The following ATG7 variants were observed in gnomAD, a reference collection of about 807,000 sequenced individuals.
ATG7 encodes ubiquitin-like modifier-activating enzyme ATG7.
ATG7 carries 70 observed loss-of-function variants against 82.4 expected under a neutral mutation model. The ratio of observed to expected loss-of-function variants is 0.85; its 90% CI spans 0.70 to 1.04. The LOEUF is 1.04. ATG7 is among the 50% of genes least tolerant of loss of function. The probability of loss-of-function intolerance (pLI) is 0.00; values close to 1 mark genes in which losing one functional copy is unlikely to be tolerated. For missense variants in ATG7, 792 were observed against 864.3 expected, an observed-to-expected ratio of 0.92 and a Z score of 1.05; for synonymous variants, 287 against 313.0, an observed-to-expected ratio of 0.92 and a Z score of 0.88.
chr3:11,427,741 G>A (rs1325688559), intron 20 of ATG7, among the ~76,000 whole-genome samples: 2 of 151,538 alleles, frequency 1.3e-5, no homozygotes, highest in Non-Finnish European at 2.9e-5. Context: ...CTTGAATCCT[G>A]GAGGCAGAGG....
chr3:11,410,780 T>C (rs970262439), intron 19 of ATG7, among the ~76,000 whole-genome samples: 1 of 152,236 alleles, frequency 6.6e-6, no homozygotes, highest in African/African-American at 2.4e-5. Context: ...GTATGTAGCA[T>C]ATACTACATT....
rs1317468629 is a variant in ATG7 at position 11,309,110 on chromosome 3, C to A, written c.411+49C>A. On this transcript the variant is annotated intron_variant, in intron 7 of 20. Transcript: ENST00000693202. ...CACCGAGGTTGGTGAAATCCCCTGGCTTAGCCCAGTGTACCAGTAGAACAG... is the reference window on the plus strand; with the variant it reads ...CACCGAGGTTGGTGAAATCCCCTGGATTAGCCCAGTGTACCAGTAGAACAG... The A allele has an allele frequency of 2.6e-6, 4 of 1,514,948 alleles. No homozygotes were observed. In the Admixed American group the frequency reaches 6.7e-5, roughly 25 times the overall value. 93.8% of individuals were successfully genotyped at this position (1,514,948 alleles called of 1,614,324 possible).
chr3:11,432,042 C>T (rs1240245695), intron 20 of ATG7, among the ~76,000 whole-genome samples: 1 of 152,160 alleles, frequency 6.6e-6, no homozygotes, highest in Admixed American at 6.5e-5. Context: ...TTGAGATTAG[C>T]AGGCAAATTA....
intron 20 of ATG7, among the ~76,000 whole-genome samples, chr3:11,501,713 A>G (rs1435784391): frequency 6.6e-6 from 1 of 152,138 alleles, no homozygotes; most frequent in Non-Finnish European, 1.5e-5. Context: ...TTTTTTAGAC[A>G]GAGTCTCCCT....
Position 11,544,594 on chromosome 3 carries a change from G to T in ATG7, c.2080-10217G>T, listed in dbSNP as rs537081665. On this transcript the variant is annotated intron_variant, in intron 20 of 20. Transcript: ENST00000693202. ...CTGGCCTGCCACCCCAGCTGCTCCC[G>T]CCTGGGGATGCTCACAGTGCTTGCC... Among the ~76,000 whole-genome samples, 3 of 152,302 alleles carry T rather than the reference G, an allele frequency of 2.0e-5. No homozygotes were observed. The East Asian group carries it at 5.8e-4, about 29-fold the overall frequency.
chr3:11,348,512 C>T (rs1409306042), intron 14 of ATG7: 2 of 154,760 alleles, frequency 1.3e-5, no homozygotes, highest in Non-Finnish European at 2.9e-5. Context: ...GAGTTTGTTC[C>T]TTCAGATGTG....
intron 18 of ATG7, among the ~76,000 whole-genome samples, chr3:11,370,301 C>T (rs578241426): frequency 6.6e-6 from 1 of 151,144 alleles, no homozygotes; most frequent in South Asian, 2.1e-4. Flanking sequence ...AACACTGGCT[C>T]ATGTCCAGCT....
intron 20 of ATG7, among the ~76,000 whole-genome samples, chr3:11,501,532 T>C (rs1258916439): frequency 8.1e-6 from 1 of 123,164 alleles, no homozygotes; most frequent in Non-Finnish European, 1.7e-5. Context: ...ATATTATTAA[T>C]AGATAATGAT....
intron 9 of ATG7, among the ~76,000 whole-genome samples, chr3:11,326,746 T>C (rs1166887392): frequency 3.9e-5 from 6 of 152,174 alleles, no homozygotes; most frequent in Non-Finnish European, 8.8e-5. Flanking sequence ...GAGTAGCAGG[T>C]GGGGTGGCCA....
At chr3:11,378,557 C>T (rs2077611704) in intron 18 of ATG7, among the ~76,000 whole-genome samples, 1 of 150,690 alleles carries the variant, frequency 6.6e-6, no homozygotes, top group African/African-American at 2.4e-5. Flanking sequence ...TGGTGGTGGG[C>T]GCCTGTAATT....
chr3:11,535,336 G>A (rs1416290208), intron 20 of ATG7, among the ~76,000 whole-genome samples: 23 of 152,298 alleles, frequency 1.5e-4, no homozygotes, highest in South Asian at 8.3e-4. Flanking sequence ...AGGCCATCTC[G>A]TGTTACTCAT....
intron 20 of ATG7, among the ~76,000 whole-genome samples, chr3:11,543,847 G>C (rs568205598): frequency 6.6e-6 from 1 of 152,216 alleles, no homozygotes; most frequent in African/African-American, 2.4e-5. Flanking sequence ...GGGACGGGAG[G>C]GGGAGGACCC....
intron 13 of ATG7, among the ~76,000 whole-genome samples, chr3:11,343,220 C>T (rs192894571): frequency 7.2e-5 from 11 of 152,286 alleles, no homozygotes; most frequent in African/African-American, 1.9e-4. Flanking sequence ...TGAGCCACCA[C>T]GCCTGGCCAA....
At chr3:11,311,457 A>T (rs183161983) in intron 7 of ATG7, among the ~76,000 whole-genome samples, 1 of 152,086 alleles carries the variant, frequency 6.6e-6, no homozygotes, top group Admixed American at 6.5e-5. Flanking sequence ...TAAAAAAAAA[A>T]ATTAGCTGTG....
rs541179354 is a variant in ATG7, at chr3:11,427,855, G to A, written c.2079+929G>A. 2.6e-5 allele frequency among the ~76,000 whole-genome samples: 4 copies of A among 151,932 alleles called. No individual in the cohort carries two copies. In the East Asian group the frequency reaches 7.7e-4, roughly 29 times the overall value. On this transcript the variant is annotated intron_variant, in intron 20 of 20. Transcript: ENST00000693202. ...AATTATTGTGTTTTTCCAAATGCTCGCTGTTCTTAGAAAAGGGAATGCTGT... is the reference window on the plus strand; with the variant it reads ...AATTATTGTGTTTTTCCAAATGCTCACTGTTCTTAGAAAAGGGAATGCTGT...
At chr3:11,427,249 C>A (rs1250878925) in intron 20 of ATG7, among the ~76,000 whole-genome samples, 1 of 152,044 alleles carries the variant, frequency 6.6e-6, no homozygotes, top group Non-Finnish European at 1.5e-5. Flanking sequence ...GCTTTAATGT[C>A]CATATATCAA....
intron 19 of ATG7, among the ~76,000 whole-genome samples, chr3:11,417,800 A>ATTAT (rs1553652380): frequency 0.019 from 2,099 of 108,248 alleles, 97 homozygotes; most frequent in East Asian, 0.048. Context: ...TATTATTATT[A>ATTAT]TTTTATTTTA....
intron 20 of ATG7, among the ~76,000 whole-genome samples, chr3:11,493,414 A>G (rs530370322): frequency 9.8e-5 from 15 of 152,340 alleles, no homozygotes; most frequent in African/African-American, 3.4e-4. Flanking sequence ...AAAAGGCAAC[A>G]TTCAATTGGT....
In ATG7 at chr3:11,377,041, G is replaced by A. The variant is rs142800905; in HGVS notation, c.1876-2931G>A. On this transcript the variant is annotated intron_variant, in intron 18 of 20. Coordinates refer to ENST00000693202, the MANE Select transcript of ATG7 (RefSeq NM_001349232.2). ...GGCGTGAGCCACCGCGCCCGGCCTTGTCTGCCGCCTTTTGTCAGCTATAGG... is the reference window on the plus strand; with the variant it reads ...GGCGTGAGCCACCGCGCCCGGCCTTATCTGCCGCCTTTTGTCAGCTATAGG... Among the ~76,000 whole-genome samples the A allele has an allele frequency of 2.0e-5, 3 of 152,246 alleles. No homozygotes were observed. In the East Asian group the frequency reaches 5.8e-4, roughly 29 times the overall value.
Sources: allele counts gnomAD v4.1 joint callset (sites outside exome capture counted in the v4.1 genomes callset), GRCh38; gene constraint gnomAD v4.1.1; transcripts MANE v1.5; gene names NCBI Gene and HGNC (gene_info 2026-07-23, HGNC 2026-07-21).